The following MGAT5B variants were observed in gnomAD, a reference collection of about 807,000 sequenced individuals.
The protein encoded by MGAT5B is N-acetylglucosaminyl-transferase Vb.
In MGAT5B, 54 loss-of-function variants were observed where a neutral mutation model predicts 95.1. The observed-to-expected ratio is 0.57, with a 90% CI of 0.46 to 0.71. The LOEUF is 0.71. Ranked by LOEUF, MGAT5B falls within the 30% of genes least tolerant of loss-of-function variation. The pLI, the probability that MGAT5B is intolerant of heterozygous loss-of-function variation, is 0.00. For synonymous variants in MGAT5B, 464 were observed against 451.0 expected (o/e 1.03, Z -0.36); for missense variants, 935 against 1,088.6 (o/e 0.86, Z 1.99).
At chr17:76,891,383 T>C (rs1967862751) in intron 3 of MGAT5B, among the ~76,000 whole-genome samples, 1 of 152,002 alleles carries the variant, frequency 6.6e-6, no homozygotes, top group Non-Finnish European at 1.5e-5. Flanking sequence ...TTTCTTTCTT[T>C]CTTTTTTGTT....
Position 76,947,873 on chromosome 17 carries a change from C to A in MGAT5B, c.1967C>A (p.Ala656Asp). The change falls in exon 17 of 18, where the codon GCC (alanine) becomes GAC (aspartate). Residue 656 changes from alanine to aspartate, a missense_variant. Physicochemically the swap from Ala to Asp is moderately radical, Grantham distance 126 (BLOSUM62 -2). Coordinates refer to ENST00000569840, the MANE Select transcript of MGAT5B (RefSeq NM_001199172.2). Reference sequence around the variant, plus strand: ...GACCCTGCCCTACCAGAGGCCCACGCCCCGCAGAGCCCCTTTGTCCTGGCC... The same window carrying A: ...GACCCTGCCCTACCAGAGGCCCACGACCCGCAGAGCCCCTTTGTCCTGGCC... ...APDPALPEAH[A>D]PQSPFVLAPN... The A allele has an allele frequency of 6.3e-7, 1 of 1,598,766 alleles. No individual in the cohort carries two copies. The highest frequency in any genetic ancestry group is 8.6e-7 in the Non-Finnish European group (1 of 1,169,338).
Position 76,949,494 on chromosome 17 carries a change from G to C in MGAT5B, c.*656G>C, listed in dbSNP as rs1970141372. 1 of 143,626 alleles carries C rather than the reference G, an allele frequency of 7.0e-6. No homozygotes were observed. The highest frequency in any genetic ancestry group is 1.5e-5 in the Non-Finnish European group (1 of 64,618). 8.9% of individuals were successfully genotyped at this position (143,626 alleles called of 1,614,324 possible). A position where few individuals can be genotyped will look rare whatever the true frequency, so the allele number is the denominator to read the frequency against. ...TTAGTCCCTTCCCTCCCGATTTCCC[G>C]ATTCCCCCACCCTCCCTCTACACTT... On this transcript the variant is annotated 3_prime_UTR_variant, in exon 18 of 18. Transcript: ENST00000569840.
chr17:76,891,021 G>A (rs1967846195), intron 3 of MGAT5B, among the ~76,000 whole-genome samples: 1 of 148,968 alleles, frequency 6.7e-6, no homozygotes, highest in African/African-American at 2.5e-5. Flanking sequence ...CTGGAGTGCA[G>A]TGGCACAATC....
intron 15 of MGAT5B, among the ~76,000 whole-genome samples, chr17:76,943,623 T>TTG (rs1555601403): frequency 0.067 from 5,089 of 75,542 alleles, 287 homozygotes; most frequent in African/African-American, 0.21. Context: ...TGGGGTGGGG[T>TTG]GGGGGGGGGG....
intron 1 of MGAT5B, chr17:76,872,612 G>A (rs911632965): frequency 7.4e-5 from 107 of 1,440,166 alleles, no homozygotes; most frequent in Admixed American, 8.1e-5. Flanking sequence ...CTAAGTGTGC[G>A]TCATTCTGCC....
intron 13 of MGAT5B, among the ~76,000 whole-genome samples, chr17:76,939,029 G>T (rs78646878): frequency 0.05 from 6,384 of 128,154 alleles, 175 homozygotes; most frequent in South Asian, 0.077. Flanking sequence ...GCATCTTGGG[G>T]GTGTGTGTGT....
intron 11 of MGAT5B, among the ~76,000 whole-genome samples, chr17:76,933,006 T>C (rs1024769166): frequency 2.6e-5 from 4 of 152,232 alleles, no homozygotes; most frequent in South Asian, 2.1e-4. Context: ...AAATGATTCC[T>C]TAATTGAGGA....
intron 12 of MGAT5B, among the ~76,000 whole-genome samples, chr17:76,935,825 TAC>T (rs1462277538): frequency 7.1e-6 from 1 of 140,528 alleles, no homozygotes; most frequent in African/African-American, 2.6e-5. Flanking sequence ...TAATTATATA[TAC>T]TATATATTAT....
At chr17:76,913,564 G>A (rs544118213) in intron 8 of MGAT5B, 16 of 388,230 alleles carry the variant, frequency 4.1e-5, no homozygotes, top group Admixed American at 8.6e-5. Context: ...GGTCTTGGCC[G>A]TTGACAGTGG....
Position 76,926,660 on chromosome 17 carries a change from C to T in MGAT5B, c.1221C>T (p.Ala407=). ...TEPAYNHEEY[A]TLHGYRTNWG... ...CTGCGTACAACCACGAGGAGTACGCCACGCTGCACGGCTACCGGACCAACT... is the reference window on the plus strand; with the variant it reads ...CTGCGTACAACCACGAGGAGTACGCTACGCTGCACGGCTACCGGACCAACT... Residue 407 remains alanine (A), a synonymous_variant, in exon 10 of 18, where the codon GCC becomes GCT. Transcript: ENST00000569840. The T allele has an allele frequency of 6.2e-7, 1 of 1,612,684 alleles. No homozygotes were observed.
chr17:76,881,462 G>T (rs1450437334), intron 2 of MGAT5B, among the ~76,000 whole-genome samples: 1 of 152,204 alleles, frequency 6.6e-6, no homozygotes, highest in Non-Finnish European at 1.5e-5. Flanking sequence ...AAGAGATGGA[G>T]TTAGGGCCCA....
intron 3 of MGAT5B, among the ~76,000 whole-genome samples, chr17:76,895,074 C>G (rs2588503): frequency 1.6e-4 from 25 of 152,096 alleles, no homozygotes; most frequent in African/African-American, 5.5e-4. Context: ...TACGGCTGCT[C>G]CTCATCGCTC....
chr17:76,879,676 T>G (rs1436173472), intron 2 of MGAT5B, among the ~76,000 whole-genome samples: 1 of 152,154 alleles, frequency 6.6e-6, no homozygotes, highest in African/African-American at 2.4e-5. Flanking sequence ...TTAGCTGAAA[T>G]GATGGAAATC....
rs934855972 is a variant in MGAT5B, at chr17:76,868,544, G to C, written c.-486G>C. On this transcript the variant is annotated 5_prime_UTR_variant, in exon 1 of 18. Coordinates refer to ENST00000569840, the MANE Select transcript of MGAT5B (RefSeq NM_001199172.2). This position sits in a 1 kb window ranked among gnomAD's most constrained non-coding sequence, Gnocchi z 6.3. ...CGGGCGCGGGTTGCCCTCGTCGAGAGCCATGGGCGCGGCGCGGCGCGGGGC... is the reference window on the plus strand; with the variant it reads ...CGGGCGCGGGTTGCCCTCGTCGAGACCCATGGGCGCGGCGCGGCGCGGGGC... 1 of 148,594 alleles carries C rather than the reference G, an allele frequency of 6.7e-6. No homozygotes were observed. 9.2% of individuals were successfully genotyped at this position (148,594 alleles called of 1,614,324 possible).
chr17:76,923,822 G>C (rs534787740), intron 8 of MGAT5B: 99 of 152,342 alleles, frequency 6.5e-4, no homozygotes, highest in African/African-American at 2.4e-3. Context: ...CAGTGGGGAG[G>C]GGGTGTTTGG....
At position 76,939,025 on chromosome 17, in the gene MGAT5B, T is replaced by TGGGGG. The variant is rs112555397; in HGVS notation, c.1584+883_1584+887dup. Among the ~76,000 whole-genome samples, 191 of 128,930 alleles carry TGGGGG rather than the reference T, an allele frequency of 1.5e-3. 7 individuals carry two copies. In the East Asian group the frequency reaches 0.027, roughly 18 times the overall value. The allele number at this position is 128,930 out of a possible 152,430, so 84.6% of individuals were successfully genotyped here. A position where few individuals can be genotyped will look rare whatever the true frequency, so the allele number is the denominator to read the frequency against. Reference sequence around the variant, plus strand: ...CCATAGCTTGTTTCCCAAGGCATCTTGGGGGTGTGTGTGTGTGTGTGTGTG... The same window carrying TGGGGG: ...CCATAGCTTGTTTCCCAAGGCATCTTGGGGGGGGGGTGTGTGTGTGTGTGTGTGTG... On this transcript the variant is annotated intron_variant, in intron 13 of 17. Coordinates refer to ENST00000569840, the MANE Select transcript of MGAT5B (RefSeq NM_001199172.2).
chr17:76,938,249 AC>A lies in MGAT5B; in HGVS notation c.1584+110del. 1.4e-6 allele frequency: 2 copies of A among 1,412,426 alleles called. No individual in the cohort carries two copies. The highest frequency in any genetic ancestry group is 1.3e-5 in the South Asian group (1 of 77,282). The allele number at this position is 1,412,426 out of a possible 1,614,324, so 87.5% of individuals were successfully genotyped here. A position where few individuals can be genotyped will look rare whatever the true frequency, so the allele number is the denominator to read the frequency against. On this transcript the variant is annotated intron_variant, in intron 13 of 17. Coordinates refer to ENST00000569840, the MANE Select transcript of MGAT5B (RefSeq NM_001199172.2). This position sits in a 1 kb window ranked among gnomAD's most constrained non-coding sequence, Gnocchi z 4.3. ...TCAGGCCCCTTCCACATATGGACAT[AC>A]CCCAGCATGCTCTGCTGCCCTGAGC...
At position 76,899,414 on chromosome 17, in the gene MGAT5B, C is replaced by T. The variant is rs112755507; in HGVS notation, c.330-3141C>T. 6.0e-3 allele frequency among the ~76,000 whole-genome samples: 911 copies of T among 152,040 alleles called. 6 individuals carry two copies. The highest frequency in any genetic ancestry group is 0.011 in the Non-Finnish European group (751 of 67,976). ...ATCCCAGCACTTTCAGAGACTGAGGCGGGAGGATCACTTGAGCCCAGGAGT... is the reference window on the plus strand; with the variant it reads ...ATCCCAGCACTTTCAGAGACTGAGGTGGGAGGATCACTTGAGCCCAGGAGT... On this transcript the variant is annotated intron_variant, in intron 3 of 17. Coordinates refer to ENST00000569840, the MANE Select transcript of MGAT5B (RefSeq NM_001199172.2).
chr17:76,945,097 C>A (rs1969993000), intron 15 of MGAT5B, among the ~76,000 whole-genome samples: 1 of 152,042 alleles, frequency 6.6e-6, no homozygotes, highest in Non-Finnish European at 1.5e-5. Context: ...GTGATTTTCT[C>A]CACGGTGGCT....
Sources: gnomAD v4.1 joint callset for allele counts (sites outside exome capture counted in the v4.1 genomes callset) on GRCh38, gnomAD v4.1.1 for gene constraint, Gnocchi (gnomAD v3.1) non-coding constraint, MANE v1.5 for transcripts, NCBI Gene and HGNC (gene_info 2026-07-23, HGNC 2026-07-21) for gene names.